The following FLYWCH1 variants were observed in gnomAD, a reference collection of about 807,000 sequenced individuals.
FLYWCH1 encodes FLYWCH-type zinc finger-containing protein 1.
FLYWCH1 carries 75 observed loss-of-function variants against 66.4 expected under a neutral mutation model. The observed-to-expected ratio is 1.13, with a 90% CI of 0.94 to 1.37. FLYWCH1 has a LOEUF of 1.37. Among genes scored for constraint, FLYWCH1 ranks in the 40% most tolerant of loss-of-function variants. FLYWCH1 has a pLI of 0.00. For synonymous variants in FLYWCH1, 595 were observed against 429.9 expected (o/e 1.38, Z -4.75); for missense variants, 1,334 against 1,001.8 (o/e 1.33, Z -4.48).
intron 2 of FLYWCH1, among the ~76,000 whole-genome samples, chr16:2,915,936 C>T (rs1168334921): frequency 6.6e-6 from 1 of 152,182 alleles, no homozygotes; most frequent in African/African-American, 2.4e-5. Context: ...GATTATAAGG[C>T]TGATTTCATC....
At chr16:2,940,595 C>G (rs554339255) in intron 9 of FLYWCH1, among the ~76,000 whole-genome samples, 3 of 152,110 alleles carry the variant, frequency 2.0e-5, no homozygotes, top group Admixed American at 1.3e-4. Context: ...ACCACCACAC[C>G]GAGCTGATTT....
intron 9 of FLYWCH1, among the ~76,000 whole-genome samples, chr16:2,945,929 A>G (rs553719167): frequency 2.8e-3 from 425 of 151,774 alleles, no homozygotes; most frequent in African/African-American, 7.0e-3. Context: ...CCCGGGAGGC[A>G]GAGCTTGCAG....
At chr16:2,944,571 C>A (rs933821162) in intron 9 of FLYWCH1, among the ~76,000 whole-genome samples, 1 of 152,032 alleles carries the variant, frequency 6.6e-6, no homozygotes, top group African/African-American at 2.4e-5. Flanking sequence ...ACCTATAATC[C>A]CAGCACTTTG....
chr16:2,938,855 G>T (rs138053136), intron 8 of FLYWCH1, among the ~76,000 whole-genome samples: 5,479 of 151,190 alleles, frequency 0.036, 339 homozygotes, highest in African/African-American at 0.13. Flanking sequence ...CTCGTGATCC[G>T]CCTGTCTTGG....
chr16:2,927,376 C>A (rs1369817241), intron 2 of FLYWCH1, among the ~76,000 whole-genome samples: 4 of 152,106 alleles, frequency 2.6e-5, no homozygotes, highest in Admixed American at 6.6e-5. Context: ...GTGGCTAATG[C>A]TAGATATGAA....
At chr16:2,935,151 A>C (rs1191212279) in intron 6 of FLYWCH1, 1 of 152,480 alleles carries the variant, frequency 6.6e-6, no homozygotes, top group African/African-American at 2.4e-5. Context: ...TCAAACTCCC[A>C]ACCTCAGGTG....
Position 2,950,794 on chromosome 16 carries a change from G to C in FLYWCH1, c.*2067G>C, listed in dbSNP as rs1348295148. 1 of 152,412 alleles carries C rather than the reference G, an allele frequency of 6.6e-6. No individual in the cohort carries two copies. The highest frequency in any genetic ancestry group is 3.4e-3 in the Middle Eastern group (1 of 294). 9.4% of individuals were successfully genotyped at this position (152,412 alleles called of 1,614,324 possible). A position where few individuals can be genotyped will look rare whatever the true frequency, so the allele number is the denominator to read the frequency against. On this transcript the variant is annotated 3_prime_UTR_variant, in exon 10 of 10. Transcript: ENST00000253928. ...CCTTAGAAGACAGACGGCAGCTCGC[G>C]TTGCTGGGCTGAGATTCTCCAATGG...
chr16:2,934,314 G>C (rs563247770), intron 6 of FLYWCH1, among the ~76,000 whole-genome samples: 1 of 152,266 alleles, frequency 6.6e-6, no homozygotes, highest in East Asian at 1.9e-4. Flanking sequence ...GGTCAGTCTC[G>C]TTGCTATGGT....
intron 2 of FLYWCH1, among the ~76,000 whole-genome samples, chr16:2,924,765 A>G (rs987442933): frequency 1.3e-5 from 2 of 152,188 alleles, no homozygotes; most frequent in African/African-American, 4.8e-5. Context: ...AGCATCTACC[A>G]TCCAAGAGCC....
rs536779175 is a variant in FLYWCH1 at position 2,932,680 on chromosome 16, G to A, written c.797-450G>A. 1.7e-4 allele frequency among the ~76,000 whole-genome samples: 26 copies of A among 152,234 alleles called. 1 individual carries two copies. In the South Asian group the frequency reaches 5.4e-3, roughly 32 times the overall value. ...ACCATTTGAATGTATTATACCTTGT[G>A]TGTTTTATTCAAAAATGGGTAGATT... On this transcript the variant is annotated intron_variant, in intron 4 of 9. Transcript: ENST00000253928.
chr16:2,930,811 G>A lies in FLYWCH1; in HGVS notation c.727G>A (p.Glu243Lys), dbSNP rs779560750. 168 of 1,602,728 alleles carry A rather than the reference G, an allele frequency of 1.0e-4. No individual in the cohort carries two copies. Among genetic ancestry groups the A allele is most frequent in the Middle Eastern group, 2.1e-4 (1 of 4,654 alleles). The change falls in exon 4 of 10, where the codon GAG becomes AAG. Residue 243 changes from glutamate to lysine, a missense_variant. Transcript: ENST00000253928. ...GLVLSKPALE[E>K]EEAPRALSLL... ...GGTGCTGAGCAAGCCGGCCCTGGAG[G>A]AGGAGGAGGCACCCCGAGCCCTGTC...
chr16:2,944,392 CTCA>C, intron 9 of FLYWCH1, among the ~76,000 whole-genome samples: 1 of 118,452 alleles, frequency 8.4e-6, no homozygotes, highest in Non-Finnish European at 1.8e-5. Flanking sequence ...GAAACTCCAT[CTCA>C]AAAAAAAAAA....
intron 6 of FLYWCH1, chr16:2,936,785 A>G (rs2071021331): frequency 1.9e-6 from 1 of 522,326 alleles, no homozygotes; most frequent in African/African-American, 1.9e-5. Flanking sequence ...CCTCTGACCA[A>G]CCAGGCACGG....
In FLYWCH1 at chr16:2,937,425, C is replaced by T. The variant is rs75587065; in HGVS notation, c.1777+41C>T. 1.8e-3 allele frequency: 2,629 copies of T among 1,494,250 alleles called. 46 individuals carry two copies. In the African/African-American group the frequency reaches 0.033, roughly 19 times the overall value. The allele number at this position is 1,494,250 out of a possible 1,614,324, so 92.6% of individuals were successfully genotyped here. Reference sequence around the variant, plus strand: ...GCTGGGCTGGGTCTGCCTGGTCTCCCAGGACCTGTGCCCCACACGCTGGCT... The same window carrying T: ...GCTGGGCTGGGTCTGCCTGGTCTCCTAGGACCTGTGCCCCACACGCTGGCT... On this transcript the variant is annotated intron_variant, in intron 7 of 9. Coordinates refer to ENST00000253928, the MANE Select transcript of FLYWCH1 (RefSeq NM_001308068.2).
intron 2 of FLYWCH1, among the ~76,000 whole-genome samples, chr16:2,926,259 G>GA (rs1316088241): frequency 1.3e-5 from 2 of 152,142 alleles, no homozygotes. Flanking sequence ...AAAGGATTGG[G>GA]AAAAAATTGG....
rs191039767 is a variant in FLYWCH1, at chr16:2,916,357, C to T, written c.-74+2068C>T. On this transcript the variant is annotated intron_variant, in intron 2 of 9. Coordinates refer to ENST00000253928, the MANE Select transcript of FLYWCH1 (RefSeq NM_001308068.2). ...TCCATCTCAAAACAAAAATACAGGC[C>T]GGGTGTGGTGGCTCACGCCTGTAAT... Among the ~76,000 whole-genome samples the T allele has an allele frequency of 6.1e-4, 92 of 151,740 alleles. No homozygotes were observed. The East Asian group carries it at 0.017, about 28-fold the overall frequency.
chr16:2,933,615 T>G lies in FLYWCH1; in HGVS notation c.1249+33T>G, dbSNP rs756120797. ...GCCTTCCTTTGGGGCTCACCGGCCC[T>G]GCCTTGACTCTTGCCTCCAGAGGTC... On this transcript the variant is annotated intron_variant, in intron 5 of 9. Coordinates refer to ENST00000253928, the MANE Select transcript of FLYWCH1 (RefSeq NM_001308068.2). 10 of 1,565,506 alleles carry G rather than the reference T, an allele frequency of 6.4e-6. No homozygotes were observed. In the East Asian group the frequency reaches 2.3e-4, roughly 35 times the overall value.
At chr16:2,932,033 G>C (rs2070778561) in intron 4 of FLYWCH1, among the ~76,000 whole-genome samples, 1 of 150,770 alleles carries the variant, frequency 6.6e-6, no homozygotes. Context: ...CAGGAGAATG[G>C]CGTGAACCCG....
chr16:2,938,781 T>G (rs1360726513), intron 8 of FLYWCH1, among the ~76,000 whole-genome samples: 2 of 146,802 alleles, frequency 1.4e-5, no homozygotes, highest in Non-Finnish European at 3.0e-5. Flanking sequence ...CCCAGCTAAT[T>G]TTTTGTATTT....
Sources: gnomAD v4.1 joint callset for allele counts (sites outside exome capture counted in the v4.1 genomes callset) on GRCh38, gnomAD v4.1.1 for gene constraint, MANE v1.5 for transcripts, NCBI Gene and HGNC (gene_info 2026-07-23, HGNC 2026-07-21) for gene names.